The following TAS2R1 variants were observed in gnomAD, a reference collection of about 807,000 sequenced individuals.
TAS2R1 encodes taste receptor type 2 member 1.
For missense variants in TAS2R1, 370 were observed against 353.4 expected (o/e 1.05, Z -0.38); for synonymous variants, 141 against 134.2 (o/e 1.05, Z -0.35).
At chr5:9,846,095 G>A in the TAS2R1 span, among the ~76,000 whole-genome samples, 1 of 152,334 alleles carries the variant, frequency 6.6e-6, no homozygotes, top group Admixed American at 6.5e-5. Flanking sequence ...AGAAAAAGGT[G>A]TGTAACACAA....
the TAS2R1 span, among the ~76,000 whole-genome samples, chr5:9,773,398 TTTA>T: frequency 3.3e-5 from 5 of 152,174 alleles, no homozygotes; most frequent in African/African-American, 1.2e-4. Flanking sequence ...TTTGTAGCAA[TTTA>T]TTTTGATTGG....
chr5:9,747,207 C>T, the TAS2R1 span, among the ~76,000 whole-genome samples: 1 of 152,096 alleles, frequency 6.6e-6, no homozygotes, highest in Non-Finnish European at 1.5e-5. Context: ...ATATGGATAT[C>T]ATTAGGAACC....
At chr5:9,825,786 T>C in the TAS2R1 span, among the ~76,000 whole-genome samples, 2 of 152,248 alleles carry the variant, frequency 1.3e-5, no homozygotes, top group Non-Finnish European at 2.9e-5. Context: ...CAAATTGTTA[T>C]AAGTTTAGCC....
exon 1 of TAS2R1, chr5:9,712,191 A>T (rs1477071132): frequency 1.3e-5 from 2 of 152,202 alleles, no homozygotes; most frequent in Admixed American, 6.5e-5. Context: ...CCCTTTAGGC[A>T]TCAGTGTTTA....
At chr5:9,701,361 TG>T (rs1741481300) in intron 1 of TAS2R1, among the ~76,000 whole-genome samples, 2 of 152,074 alleles carry the variant, frequency 1.3e-5, no homozygotes, top group African/African-American at 4.8e-5. Flanking sequence ...ACAAGATGAA[TG>T]GCAGCTTTTC....
chr5:9,848,085 A>G, the TAS2R1 span, among the ~76,000 whole-genome samples: 1 of 152,220 alleles, frequency 6.6e-6, no homozygotes, highest in Non-Finnish European at 1.5e-5. Flanking sequence ...ACACCATCCA[A>G]CACAGAACTC....
the TAS2R1 span, among the ~76,000 whole-genome samples, chr5:9,739,247 A>C: frequency 2.6e-5 from 4 of 152,226 alleles, no homozygotes; most frequent in African/African-American, 9.6e-5. Context: ...TTCCTGGTGA[A>C]ATTATAGCTT....
chr5:9,748,495 A>G, the TAS2R1 span, among the ~76,000 whole-genome samples: 120,585 of 152,048 alleles, frequency 0.79, 48,153 homozygotes, highest in East Asian at 0.91. Context: ...GATTCTGGTG[A>G]CTGGAGAGTT....
intron 1 of TAS2R1, among the ~76,000 whole-genome samples, chr5:9,681,192 C>T (rs189499345): frequency 2.1e-4 from 32 of 152,122 alleles, no homozygotes; most frequent in Admixed American, 1.1e-3. Flanking sequence ...GTAAAGTATG[C>T]ATTTCAATAT....
chr5:9,703,168 G>C (rs1281956511), intron 1 of TAS2R1, among the ~76,000 whole-genome samples: 1 of 152,134 alleles, frequency 6.6e-6, no homozygotes, highest in Non-Finnish European at 1.5e-5. Flanking sequence ...TCTGCCAACA[G>C]CTGGAGAACT....
At chr5:9,746,615 A>T in the TAS2R1 span, among the ~76,000 whole-genome samples, 22 of 152,352 alleles carry the variant, frequency 1.4e-4, no homozygotes, top group African/African-American at 5.1e-4. Context: ...TGTCCTTTGT[A>T]GGGACATAGA....
chr5:9,738,026 C>T, the TAS2R1 span, among the ~76,000 whole-genome samples: 1 of 152,148 alleles, frequency 6.6e-6, no homozygotes, highest in African/African-American at 2.4e-5. Flanking sequence ...CCTTTCTCTC[C>T]ACCTGGATGA....
At chr5:9,797,514 G>A in the TAS2R1 span, among the ~76,000 whole-genome samples, 1 of 152,100 alleles carries the variant, frequency 6.6e-6, no homozygotes, top group South Asian at 2.1e-4. Context: ...TGAATTAACA[G>A]CAAAAAATTC....
the TAS2R1 span, among the ~76,000 whole-genome samples, chr5:9,733,024 T>C: frequency 6.6e-6 from 1 of 152,258 alleles, no homozygotes; most frequent in Non-Finnish European, 1.5e-5. Flanking sequence ...CACCTGATTA[T>C]AGATCTTAAA....
chr5:9,646,466 A>G (rs1167728085), intron 2 of TAS2R1, among the ~76,000 whole-genome samples: 1 of 152,202 alleles, frequency 6.6e-6, no homozygotes, highest in Non-Finnish European at 1.5e-5. Flanking sequence ...GATTGGACAC[A>G]TGGAAGATGA....
At chr5:9,651,092 G>A (rs1016707195) in intron 2 of TAS2R1, among the ~76,000 whole-genome samples, 1 of 152,116 alleles carries the variant, frequency 6.6e-6, no homozygotes, top group Admixed American at 6.6e-5. Flanking sequence ...CAGACTCAGA[G>A]TATAAAAAGT....
At chr5:9,826,688 C>A in the TAS2R1 span, among the ~76,000 whole-genome samples, 1 of 152,236 alleles carries the variant, frequency 6.6e-6, no homozygotes. Context: ...TTTTCAGTGA[C>A]CATGTACTAC....
chr5:9,837,810 G>A, the TAS2R1 span, among the ~76,000 whole-genome samples: 1 of 152,224 alleles, frequency 6.6e-6, no homozygotes, highest in Non-Finnish European at 1.5e-5. Flanking sequence ...GATTATTGCA[G>A]CATCTGGGAT....
chr5:9,861,541 C>T, the TAS2R1 span, among the ~76,000 whole-genome samples: 38 of 152,228 alleles, frequency 2.5e-4, no homozygotes, highest in Non-Finnish European at 4.6e-4. Flanking sequence ...GGAGAAAAGG[C>T]ACTTGTTTCA....
Sources: allele counts gnomAD v4.1 joint callset (sites outside exome capture counted in the v4.1 genomes callset), GRCh38; gene constraint gnomAD v4.1.1; transcripts MANE v1.5; gene names NCBI Gene and HGNC (gene_info 2026-07-23, HGNC 2026-07-21).